Variants in OLFM3 observed in about 807,000 individuals in gnomAD.
OLFM3 encodes noelin-3.
In OLFM3, 20 loss-of-function variants were observed where a neutral mutation model predicts 48.6. The ratio of observed to expected loss-of-function variants is 0.41; its 90% CI spans 0.29 to 0.60. OLFM3 has a LOEUF of 0.60. Among genes scored for constraint, OLFM3 ranks in the 20% least tolerant of loss-of-function variants. OLFM3 has a pLI of 0.28. For synonymous variants in OLFM3, 222 were observed against 198.1 expected, an observed-to-expected ratio of 1.12 and a Z score of -1.01; for missense variants, 437 against 544.3, an observed-to-expected ratio of 0.80 and a Z score of 1.96.
Position 101,804,625 on chromosome 1 carries a change from C to T in OLFM3, c.990G>A (p.Met330Ile). 2 of 1,612,494 alleles carry T rather than the reference C, an allele frequency of 1.2e-6. No individual in the cohort carries two copies. The highest frequency in any genetic ancestry group is 1.7e-6 in the Non-Finnish European group (2 of 1,179,176). The change falls in exon 6 of 6, where the codon ATG (methionine) becomes ATA (isoleucine). Residue 330 changes from methionine to isoleucine, a missense_variant. Physicochemically the swap from Met to Ile is conservative, Grantham distance 10. Coordinates refer to ENST00000370103, the MANE Select transcript of OLFM3 (RefSeq NM_058170.4). This position sits in a 1 kb window ranked among gnomAD's most constrained non-coding sequence, Gnocchi z 4.5. The stretch of plus-strand genomic sequence containing the variant: ...CAGCCCACAGCCCGATTTCATCAGC[C>T]ATTAGGTCGATGTCAGAGAATCCAC... ...TWGGFSDIDL[M>I]ADEIGLWAVY... is the part of the protein sequence containing the mutation.
At chr1:101,970,760 T>C (rs1023574768) in intron 1 of OLFM3, among the ~76,000 whole-genome samples, 3 of 152,210 alleles carry the variant, frequency 2.0e-5, no homozygotes, top group Non-Finnish European at 4.4e-5. Flanking sequence ...CCTGACCCGA[T>C]TTCCTGCTGG....
intron 1 of OLFM3, among the ~76,000 whole-genome samples, chr1:101,990,145 A>AT (rs1032841529): frequency 7.4e-4 from 112 of 152,266 alleles, no homozygotes; most frequent in Admixed American, 4.5e-3. Flanking sequence ...CGTGTTTTAC[A>AT]TTTTTTCCTA....
intron 1 of OLFM3, among the ~76,000 whole-genome samples, chr1:101,945,383 T>G (rs546791264): frequency 2.0e-5 from 3 of 152,132 alleles, no homozygotes; most frequent in South Asian, 2.1e-4. Context: ...AAAATAATGC[T>G]GAGTGAAAAA....
At chr1:101,855,954 C>T (rs1029216203) in intron 1 of OLFM3, among the ~76,000 whole-genome samples, 15 of 151,920 alleles carry the variant, frequency 9.9e-5, no homozygotes, top group African/African-American at 3.6e-4. Flanking sequence ...GCTTATCTCC[C>T]TCATGGCATA....
intron 1 of OLFM3, chr1:101,893,296 T>G (rs1658075043): frequency 5.4e-6 from 2 of 368,334 alleles, no homozygotes; most frequent in Admixed American, 6.0e-5. Context: ...GCCAAGGTAT[T>G]GGAATGCAAA....
intron 2 of OLFM3, among the ~76,000 whole-genome samples, chr1:101,834,134 G>C (rs1486445123): frequency 6.6e-6 from 1 of 152,132 alleles, no homozygotes; most frequent in South Asian, 2.1e-4. Flanking sequence ...GGCAAACAGA[G>C]CATCACTTAA....
At chr1:101,973,493 A>G (rs574361587) in intron 1 of OLFM3, among the ~76,000 whole-genome samples, 2 of 152,320 alleles carry the variant, frequency 1.3e-5, no homozygotes, top group South Asian at 2.1e-4. Flanking sequence ...AAAAATATTC[A>G]CAAACATACC....
intron 1 of OLFM3, among the ~76,000 whole-genome samples, chr1:101,993,193 G>T (rs1029615910): frequency 3.3e-5 from 5 of 152,152 alleles, no homozygotes; most frequent in African/African-American, 1.2e-4. Flanking sequence ...AACCTGCTCA[G>T]TCATATTTAT....
intron 1 of OLFM3, among the ~76,000 whole-genome samples, chr1:101,989,542 G>A (rs1182697600): frequency 9.1e-6 from 1 of 110,242 alleles, no homozygotes; most frequent in Non-Finnish European, 2.2e-5. Flanking sequence ...AATAATAGTT[G>A]TTCGTGAGTG....
At position 101,804,658 on chromosome 1, in the gene OLFM3, G is replaced by GT; in HGVS notation, c.956dup (p.Tyr319Ter). The GT allele has an allele frequency of 6.2e-7, 1 of 1,612,532 alleles. No individual in the cohort carries two copies. Among genetic ancestry groups the GT allele is most frequent in the Non-Finnish European group, 8.5e-7 (1 of 1,179,122 alleles). ...EYAGFHNVYP[Y>*]TWGGFSDIDL... ...CGATGTCAGAGAATCCACCCCATGT[G>GT]TAGGGGTAAACATTATGAAAACCAG... Residue 319 changes from tyrosine (Y) to a stop codon, truncating the protein, a stop_gained and frameshift_variant, in exon 6 of 6, where the codon TAC becomes TAAC. Coordinates refer to ENST00000370103, the MANE Select transcript of OLFM3 (RefSeq NM_058170.4). LOFTEE classifies it high-confidence loss of function. This position sits in a 1 kb window ranked among gnomAD's most constrained non-coding sequence, Gnocchi z 4.5.
rs376156473 is a variant in OLFM3, at chr1:101,806,103, G to A, written c.672C>T (p.Asp224=). Residue 224 remains aspartate (D), a synonymous_variant, in exon 5 of 6, where the codon GAC becomes GAT. Coordinates refer to ENST00000370103, the MANE Select transcript of OLFM3 (RefSeq NM_058170.4). The part of the protein sequence containing the change: ...SGTRFGAWMT[D]PLASEKNNRV... ...TGTTGTTTTTCTCAGATGCTAAAGG[G>A]TCTGTCATCCAAGCACCAAATCGGG... The A allele has an allele frequency of 4.3e-6, 7 of 1,611,916 alleles. No homozygotes were observed. The highest frequency in any genetic ancestry group is 2.7e-5 in the African/African-American group (2 of 74,824).
intron 1 of OLFM3, among the ~76,000 whole-genome samples, chr1:101,924,634 T>C (rs2101041731): frequency 6.6e-6 from 1 of 152,302 alleles, no homozygotes; most frequent in African/African-American, 2.4e-5. Context: ...CCAATAAGCC[T>C]AGTGAAATAT....
At chr1:101,977,006 T>A (rs1295655047) in intron 1 of OLFM3, among the ~76,000 whole-genome samples, 1 of 152,152 alleles carries the variant, frequency 6.6e-6, no homozygotes, top group Non-Finnish European at 1.5e-5. Flanking sequence ...CTTTTCTGAA[T>A]AATTTGCCCT....
intron 4 of OLFM3, among the ~76,000 whole-genome samples, chr1:101,817,320 T>C (rs1654378960): frequency 6.6e-6 from 1 of 152,250 alleles, no homozygotes; most frequent in East Asian, 1.9e-4. Context: ...TGCTCTTCTG[T>C]CTGCAGTAAG....
intron 1 of OLFM3, among the ~76,000 whole-genome samples, chr1:101,898,262 T>C (rs1271652718): frequency 6.6e-6 from 1 of 152,180 alleles, no homozygotes; most frequent in Non-Finnish European, 1.5e-5. Context: ...AGTTGGGTAA[T>C]ATAATCTCCT....
intron 1 of OLFM3, among the ~76,000 whole-genome samples, chr1:101,985,273 T>A (rs1260203155): frequency 1.3e-5 from 2 of 152,242 alleles, no homozygotes; most frequent in Admixed American, 1.3e-4. Flanking sequence ...CTTACTTTAG[T>A]CACATCTACA....
chr1:101,816,752 T>C, intron 4 of OLFM3, among the ~76,000 whole-genome samples: 1 of 152,146 alleles, frequency 6.6e-6, no homozygotes, highest in East Asian at 1.9e-4. Context: ...ATAGCATGTA[T>C]ATGCTGGTGG....
rs552236313 is a variant in OLFM3 at position 101,910,153 on chromosome 1, C to T, written c.70-73128G>A. 116 of 984,954 alleles carry T rather than the reference C, an allele frequency of 1.2e-4. No homozygotes were observed. In the Middle Eastern group the frequency reaches 1.6e-3, roughly 13 times the overall value. The allele number at this position is 984,954 out of a possible 1,614,324, so 61.0% of individuals were successfully genotyped here. On this transcript the variant is annotated intron_variant, in intron 1 of 5. Coordinates refer to ENST00000370103, the MANE Select transcript of OLFM3 (RefSeq NM_058170.4). ...CTCTTCATCATCACAAGATGTTTAT[C>T]GAGTATCTATCATGTTAAAAAGCAC...
At chr1:101,930,663 A>C (rs1195362419) in intron 1 of OLFM3, among the ~76,000 whole-genome samples, 1 of 152,226 alleles carries the variant, frequency 6.6e-6, no homozygotes, top group East Asian at 1.9e-4. Flanking sequence ...ATGGATATGC[A>C]GATTATAGCA....
Sources: allele counts gnomAD v4.1 joint callset (sites outside exome capture counted in the v4.1 genomes callset), GRCh38; gene constraint gnomAD v4.1.1; non-coding constraint Gnocchi (gnomAD v3.1); transcripts MANE v1.5; gene names NCBI Gene and HGNC (gene_info 2026-07-23, HGNC 2026-07-21).